Variants in EXOC4 observed in about 807,000 individuals in gnomAD.
EXOC4 encodes the protein SEC8-like 1.
A neutral mutation model predicts 107.2 loss-of-function variants in EXOC4; 71 were observed. The ratio of observed to expected loss-of-function variants is 0.66; its 90% CI spans 0.55 to 0.81. EXOC4 has a LOEUF of 0.81. Among genes scored for constraint, EXOC4 ranks in the 30% least tolerant of loss-of-function variants. The probability of loss-of-function intolerance (pLI) is 0.00; values close to 1 mark genes in which losing one functional copy is unlikely to be tolerated. For synonymous variants in EXOC4, 456 were observed against 441.2 expected, an observed-to-expected ratio of 1.03 and a Z score of -0.42; for missense variants, 1,108 against 1,189.6, an observed-to-expected ratio of 0.93 and a Z score of 1.01.
In EXOC4 at chr7:134,005,008, C is replaced by G. The variant is rs199772943; in HGVS notation, c.2445C>G (p.Val815=). 2.5e-4 allele frequency: 406 copies of G among 1,613,584 alleles called. 4 individuals are homozygous for G. The South Asian group carries it at 4.2e-3, about 17-fold the overall frequency. The part of the protein sequence containing the change: ...VESMDYDPLV[V]KLNKDISAIE... ...GTATGGATTATGACCCCCTGGTGGT[C>G]AAGCTCAACAAAGATATCAGCGCCA... Residue 815 remains valine, a synonymous_variant, in exon 16 of 18, where the codon GTC becomes GTG. Transcript: ENST00000253861.
chr7:133,510,763 A>G (rs1410120070), intron 9 of EXOC4, among the ~76,000 whole-genome samples: 1 of 152,172 alleles, frequency 6.6e-6, no homozygotes, highest in African/African-American at 2.4e-5. Flanking sequence ...ACTACTTAGT[A>G]TTGTCTTGAT....
At chr7:133,582,796 A>C (rs1231037980) in intron 9 of EXOC4, among the ~76,000 whole-genome samples, 1 of 152,226 alleles carries the variant, frequency 6.6e-6, no homozygotes, top group Non-Finnish European at 1.5e-5. Context: ...TTTCTCAAGC[A>C]ATCAGAAATT....
At chr7:134,062,257 TAA>T (rs1796080356) in intron 17 of EXOC4, among the ~76,000 whole-genome samples, 1 of 152,180 alleles carries the variant, frequency 6.6e-6, no homozygotes, top group Admixed American at 6.5e-5. Flanking sequence ...CCCCTATTTT[TAA>T]AAGAGTGTGT....
intron 17 of EXOC4, among the ~76,000 whole-genome samples, chr7:134,050,480 TA>T (rs1795758515): frequency 8.5e-6 from 1 of 117,138 alleles, no homozygotes; most frequent in African/African-American, 4.1e-5. Context: ...TCAAAAAGAA[TA>T]TTAAGAGTTT....
At chr7:133,411,638 C>T (rs1797358114) in intron 7 of EXOC4, among the ~76,000 whole-genome samples, 1 of 152,188 alleles carries the variant, frequency 6.6e-6, no homozygotes, top group South Asian at 2.1e-4. Context: ...TTAATCTTTT[C>T]AGGACTTAGC....
chr7:133,996,536 C>T (rs911486134), intron 14 of EXOC4, among the ~76,000 whole-genome samples: 1 of 151,930 alleles, frequency 6.6e-6, no homozygotes, highest in African/African-American at 2.4e-5. Context: ...TTTAATAAAT[C>T]GTTTTGGAAA....
At chr7:133,693,477 C>T (rs942677630) in intron 10 of EXOC4, among the ~76,000 whole-genome samples, 4 of 151,976 alleles carry the variant, frequency 2.6e-5, no homozygotes, top group South Asian at 2.1e-4. Flanking sequence ...TCTCCTTTGG[C>T]GACACCTTCA....
intron 17 of EXOC4, among the ~76,000 whole-genome samples, chr7:134,051,324 A>G (rs1795781834): frequency 6.6e-6 from 1 of 152,246 alleles, no homozygotes; most frequent in African/African-American, 2.4e-5. Flanking sequence ...ACACAGAGCC[A>G]ATAGCAGAAT....
chr7:133,964,671 T>A (rs1801022283), intron 14 of EXOC4, among the ~76,000 whole-genome samples: 2 of 152,208 alleles, frequency 1.3e-5, no homozygotes, highest in Non-Finnish European at 2.9e-5. Flanking sequence ...TCCTTTTTTA[T>A]GTCTGTGTAG....
At position 133,361,045 on chromosome 7, in the gene EXOC4, C is replaced by A. The variant is rs533209440; in HGVS notation, c.1007+4472C>A. 2.6e-5 allele frequency among the ~76,000 whole-genome samples: 4 copies of A among 152,248 alleles called. No individual in the cohort carries two copies. In the East Asian group the frequency reaches 7.7e-4, roughly 29 times the overall value. On this transcript the variant is annotated intron_variant, in intron 6 of 17. Coordinates refer to ENST00000253861, the MANE Select transcript of EXOC4 (RefSeq NM_021807.4). ...TATCTCCAGAATCTAGCACAGTGCC[C>A]ACCTGACCCATAATAAATATTTGTT...
At chr7:133,419,616 G>C (rs923559872) in intron 7 of EXOC4, among the ~76,000 whole-genome samples, 6 of 152,034 alleles carry the variant, frequency 3.9e-5, no homozygotes, top group Non-Finnish European at 7.4e-5. Flanking sequence ...TGTGTTTTAA[G>C]GGGATCATAG....
At chr7:133,909,697 A>G (rs138586815) in intron 12 of EXOC4, among the ~76,000 whole-genome samples, 5 of 152,272 alleles carry the variant, frequency 3.3e-5, no homozygotes, top group African/African-American at 1.2e-4. Flanking sequence ...AATGCTTCCC[A>G]GGTGTTTTCA....
chr7:133,943,635 A>C (rs1455063381), intron 14 of EXOC4, among the ~76,000 whole-genome samples: 1 of 152,102 alleles, frequency 6.6e-6, no homozygotes, highest in Non-Finnish European at 1.5e-5. Flanking sequence ...AGAATATTTT[A>C]TTTCTCCCGG....
intron 10 of EXOC4, among the ~76,000 whole-genome samples, chr7:133,666,984 T>G (rs1408792722): frequency 6.6e-6 from 1 of 152,194 alleles, no homozygotes; most frequent in African/African-American, 2.4e-5. Flanking sequence ...GGGTGTCTTC[T>G]TTTTCCCTCC....
chr7:133,841,383 T>C (rs889785658), intron 11 of EXOC4, among the ~76,000 whole-genome samples: 4 of 152,148 alleles, frequency 2.6e-5, no homozygotes, highest in African/African-American at 4.8e-5. Flanking sequence ...TGGCCACTGA[T>C]AGGAGCTGGG....
At chr7:134,057,361 A>C (rs1661158254) in intron 17 of EXOC4, among the ~76,000 whole-genome samples, 1 of 142,216 alleles carries the variant, frequency 7.0e-6, no homozygotes, top group African/African-American at 2.9e-5. Flanking sequence ...CGTTGTGAGA[A>C]GTGTAAAAAA....
At chr7:133,951,564 C>T (rs1421514582) in intron 14 of EXOC4, among the ~76,000 whole-genome samples, 1 of 152,208 alleles carries the variant, frequency 6.6e-6, no homozygotes, top group African/African-American at 2.4e-5. Flanking sequence ...CCCAAATCTG[C>T]CCTCTGTTTA....
chr7:133,618,563 C>T (rs1418527547), intron 9 of EXOC4, among the ~76,000 whole-genome samples: 1 of 152,218 alleles, frequency 6.6e-6, no homozygotes, highest in African/African-American at 2.4e-5. Flanking sequence ...TGGAAAAATT[C>T]ACTACTTTTT....
At chr7:133,901,657 T>C (rs757223815) in intron 12 of EXOC4, among the ~76,000 whole-genome samples, 33 of 152,176 alleles carry the variant, frequency 2.2e-4, no homozygotes, top group Non-Finnish European at 4.0e-4. Context: ...CCCCCAAAAA[T>C]GATTTGCTGC....
Sources: allele counts gnomAD v4.1 joint callset (sites outside exome capture counted in the v4.1 genomes callset), GRCh38; gene constraint gnomAD v4.1.1; transcripts MANE v1.5; gene names NCBI Gene and HGNC (gene_info 2026-07-23, HGNC 2026-07-21).